The following LAMA2 variants were observed in gnomAD, a reference collection of about 807,000 sequenced individuals.
LAMA2 encodes laminin subunit alpha 2, also known as laminin subunit alpha-2.
Under a neutral mutation model 364.8 loss-of-function variants are expected in LAMA2, and 269 were observed. The observed-to-expected ratio is 0.74, with a 90% CI of 0.67 to 0.82. The LOEUF (loss-of-function observed/expected upper bound fraction) is 0.82. Among genes scored for constraint, LAMA2 ranks in the 40% least tolerant of loss-of-function variants. The pLI is 0.00. For synonymous variants in LAMA2, 1,379 were observed against 1,370.6 expected, an observed-to-expected ratio of 1.01 and a Z score of -0.14; for missense variants, 3,807 against 3,873.2, an observed-to-expected ratio of 0.98 and a Z score of 0.45.
chr6:129,465,286 C>T lies in LAMA2; in HGVS notation c.7297C>T (p.Gln2433Ter), dbSNP rs1253505269. The T allele has an allele frequency of 6.2e-7, 1 of 1,609,760 alleles. No individual in the cohort carries two copies. Among genetic ancestry groups the T allele is most frequent in the Non-Finnish European group, 8.5e-7 (1 of 1,177,068 alleles). The change falls in exon 51 of 65, where the codon CAA becomes TAA. Residue 2433 changes from glutamine to a stop codon, truncating the protein, a stop_gained. Transcript: ENST00000421865. LOFTEE classifies it high-confidence loss of function. ...ATTCACTCTGTCAAGAATTCAAAAA[C>T]AAGGTGAGTTTTTACAGTAATAATG... Reference protein sequence around the residue: ...KSFTLSRIQKQANISIVDIDT... With the variant: ...KSFTLSRIQK
chr6:129,408,970 C>T (rs7760596), intron 40 of LAMA2, among the ~76,000 whole-genome samples: 76,255 of 152,032 alleles, frequency 0.5, 19,623 homozygotes, highest in African/African-American at 0.62. Flanking sequence ...TCAGAGAGGT[C>T]CATCCACATA....
At chr6:129,228,654 G>A (rs375294039) in intron 12 of LAMA2, among the ~76,000 whole-genome samples, 10 of 152,102 alleles carry the variant, frequency 6.6e-5, no homozygotes, top group African/African-American at 2.2e-4. Flanking sequence ...TATATACCCT[G>A]AAGGCATTTT....
At position 129,492,422 on chromosome 6, in the gene LAMA2, T is replaced by A. The variant is rs1784918982; in HGVS notation, c.8183T>A (p.Val2728Asp). 6.2e-7 allele frequency: 1 copy of A among 1,614,014 alleles called. No homozygotes were observed. The highest frequency in any genetic ancestry group is 8.5e-7 in the Non-Finnish European group (1 of 1,179,998). ...GATGGAGCAGCTCCAGCTGAAATAGTTATCCAGCCTGAGCCAGTTCCCACC... is the reference window on the plus strand; with the variant it reads ...GATGGAGCAGCTCCAGCTGAAATAGATATCCAGCCTGAGCCAGTTCCCACC... ...DEDGAAPAEI[V>D]IQPEPVPTPA... Residue 2728 changes from valine to aspartate, a missense_variant, in exon 58 of 65, where the codon GTT becomes GAT. Val to Asp is a radical substitution (Grantham distance 152, BLOSUM62 -3). Transcript: ENST00000421865.
In LAMA2 at chr6:128,952,998, C is replaced by G. The variant is rs555134034; in HGVS notation, c.112+69641C>G. On this transcript the variant is annotated intron_variant, in intron 1 of 64. Transcript: ENST00000421865. ...CTACTAGTAGCTACAGGTTTAGGAC[C>G]TGGTCCTTAGCAGTTTAAATCGGAG... is the stretch of plus-strand genomic sequence containing the variant. Among the ~76,000 whole-genome samples the G allele has an allele frequency of 2.0e-4, 31 of 152,280 alleles. No homozygotes were observed. The East Asian group carries it at 6.0e-3, about 29-fold the overall frequency.
At chr6:129,180,963 A>C (rs76888259) in intron 10 of LAMA2, among the ~76,000 whole-genome samples, 1 of 152,168 alleles carries the variant, frequency 6.6e-6, no homozygotes, top group Non-Finnish European at 1.5e-5. Context: ...AACTCCCTGA[A>C]GCAGGGACAC....
intron 1 of LAMA2, among the ~76,000 whole-genome samples, chr6:129,041,516 A>AT (rs1787094453): frequency 6.6e-6 from 1 of 152,176 alleles, no homozygotes; most frequent in Admixed American, 6.5e-5. Context: ...TCTACATTTG[A>AT]TTTAAGAAAT....
intron 14 of LAMA2, among the ~76,000 whole-genome samples, chr6:129,259,389 C>G (rs1376745571): frequency 6.6e-6 from 1 of 152,018 alleles, no homozygotes; most frequent in Non-Finnish European, 1.5e-5. Flanking sequence ...CTGAAAAATG[C>G]AGGCCATAGC....
At chr6:129,007,312 G>A (rs1784503421) in intron 1 of LAMA2, among the ~76,000 whole-genome samples, 1 of 152,122 alleles carries the variant, frequency 6.6e-6, no homozygotes, top group Non-Finnish European at 1.5e-5. Context: ...CCTCTACTGT[G>A]GAGTGAGCTC....
intron 32 of LAMA2, among the ~76,000 whole-genome samples, chr6:129,364,048 C>T (rs1432244138): frequency 2.0e-5 from 3 of 152,160 alleles, no homozygotes; most frequent in South Asian, 4.1e-4. Flanking sequence ...TTTGTTCATT[C>T]AGCTTGTGAA....
intron 49 of LAMA2, among the ~76,000 whole-genome samples, chr6:129,461,650 A>G (rs767986399): frequency 5.1e-4 from 77 of 152,060 alleles, no homozygotes; most frequent in Non-Finnish European, 1.1e-3. Context: ...AGGCATTTAA[A>G]TATCCATTCA....
intron 8 of LAMA2, chr6:129,157,564 T>C: frequency 6.2e-7 from 1 of 1,612,868 alleles, no homozygotes. Flanking sequence ...TTGGCAAGCG[T>C]CTTCTTAATT....
Position 129,391,587 on chromosome 6 carries a change from A to G in LAMA2, c.5168A>G (p.Gln1723Arg), listed in dbSNP as rs1391310599. The G allele has an allele frequency of 1.9e-6, 3 of 1,613,714 alleles. No homozygotes were observed. The highest frequency in any genetic ancestry group is 2.5e-6 in the Non-Finnish European group (3 of 1,179,728). ...GAAGGGCTTCAGAAAGAGATTGACCAGATGATTAAAGAACTGAGGAGGAAA... is the reference window on the plus strand; with the variant it reads ...GAAGGGCTTCAGAAAGAGATTGACCGGATGATTAAAGAACTGAGGAGGAAA... ...NLEGLQKEID[Q>R]MIKELRRKNL... is the part of the protein sequence containing the mutation. Residue 1723 changes from glutamine to arginine, a missense_variant, in exon 36 of 65, where the codon CAG becomes CGG. Transcript: ENST00000421865.
At chr6:129,453,999 A>C (rs1441410850) in intron 46 of LAMA2, among the ~76,000 whole-genome samples, 156 bp from the exon 47 acceptor site, 1 of 150,306 alleles carries the variant, frequency 6.7e-6, no homozygotes, top group African/African-American at 2.4e-5. Context: ...TTAATAATGT[A>C]TAATAATAAA....
chr6:129,348,418 C>T (rs1235850414), intron 30 of LAMA2, among the ~76,000 whole-genome samples: 1 of 152,052 alleles, frequency 6.6e-6, no homozygotes, highest in East Asian at 1.9e-4. Context: ...ATCTTTCTGC[C>T]ACAGATACAT....
intron 45 of LAMA2, among the ~76,000 whole-genome samples, chr6:129,446,509 G>A (rs1158648260): frequency 3.2e-5 from 3 of 94,174 alleles, no homozygotes; most frequent in Non-Finnish European, 6.2e-5. Flanking sequence ...TAAGGGAAGG[G>A]GAGGAGAGGG....
intron 12 of LAMA2, among the ~76,000 whole-genome samples, chr6:129,231,375 G>A (rs374548947): frequency 6.6e-6 from 1 of 152,004 alleles, no homozygotes; most frequent in Non-Finnish European, 1.5e-5. Context: ...CATATATTTG[G>A]AATGTATTAA....
Position 129,067,218 on chromosome 6 carries a change from T to C in LAMA2, c.396+7322T>C, listed in dbSNP as rs866588538. On this transcript the variant is annotated intron_variant, in intron 3 of 64. Coordinates refer to ENST00000421865, the MANE Select transcript of LAMA2 (RefSeq NM_000426.4). ...AACACAGAAGAGATTATAATATACA[T>C]GTTCCAAATGTAGATTATACCTTAC... Among the ~76,000 whole-genome samples the C allele has an allele frequency of 4.7e-5, 7 of 149,120 alleles. No homozygotes were observed. In the South Asian group the frequency reaches 1.5e-3, roughly 32 times the overall value.
intron 1 of LAMA2, among the ~76,000 whole-genome samples, chr6:129,021,069 C>A (rs1012146807): frequency 6.6e-6 from 1 of 152,280 alleles, no homozygotes; most frequent in South Asian, 2.1e-4. Context: ...AAAACCACAA[C>A]TTTAATTCCC....
At position 129,366,312 on chromosome 6, in the gene LAMA2, C is replaced by T. The variant is rs748127741; in HGVS notation, c.4811C>T (p.Ala1604Val). 1.3e-5 allele frequency: 21 copies of T among 1,613,522 alleles called. No individual in the cohort carries two copies. The Admixed American group carries it at 1.7e-4, about 13-fold the overall frequency. The part of the protein sequence containing the change: ...MSINLTGPLP[A>V]PYKMLYGLEN... ...ATCAACCTCACTGGTCCGCTGCCTGCGCCATATAAAATGCTGTATGGTCTT... is the reference window on the plus strand; with the variant it reads ...ATCAACCTCACTGGTCCGCTGCCTGTGCCATATAAAATGCTGTATGGTCTT... The change falls in exon 33 of 65, where the codon GCG becomes GTG. Residue 1604 changes from alanine to valine, a missense_variant. Ala to Val is a moderately conservative substitution (Grantham distance 64). Transcript: ENST00000421865.
Sources: gnomAD v4.1 joint callset for allele counts (sites outside exome capture counted in the v4.1 genomes callset) on GRCh38, gnomAD v4.1.1 for gene constraint, MANE v1.5 for transcripts, NCBI Gene and HGNC (gene_info 2026-07-23, HGNC 2026-07-21) for gene names.